LTBP1: variants seen among roughly 807,000 people sequenced by gnomAD.
LTBP1 encodes latent-transforming growth factor beta-binding protein 1.
LTBP1 carries 129 observed loss-of-function variants against 207.6 expected under a neutral mutation model. The ratio of observed to expected loss-of-function variants is 0.62; its 90% CI spans 0.54 to 0.72. The LOEUF (loss-of-function observed/expected upper bound fraction) is 0.72. Ranked by LOEUF, LTBP1 falls within the 30% of genes least tolerant of loss-of-function variation. The probability of loss-of-function intolerance (pLI) is 0.00; values close to 1 mark genes in which losing one functional copy is unlikely to be tolerated. For synonymous variants in LTBP1, 963 were observed against 833.7 expected (o/e 1.16, Z -2.67); for missense variants, 2,281 against 2,217.2 (o/e 1.03, Z -0.58).
intron 2 of LTBP1, among the ~76,000 whole-genome samples, chr2:32,961,550 T>A (rs1427174994): frequency 7.1e-6 from 1 of 141,402 alleles, no homozygotes; most frequent in Admixed American, 7.4e-5. Flanking sequence ...GAGGTTTTGT[T>A]CATCCCCCCC....
In LTBP1 at chr2:33,280,911, A is replaced by G. The variant is rs373319798; in HGVS notation, c.3112+753A>G. On this transcript the variant is annotated intron_variant, in intron 19 of 33. Coordinates refer to ENST00000404816, the MANE Select transcript of LTBP1 (RefSeq NM_206943.4). ...TAGCAAGACCTCATCTCTACAAAAC[A>G]TTAAAAAACTTACCTGGGCTTCGTG... Among the ~76,000 whole-genome samples the G allele has an allele frequency of 8.5e-5, 13 of 152,208 alleles. No individual in the cohort carries two copies. In the East Asian group the frequency reaches 2.3e-3, roughly 27 times the overall value.
chr2:33,115,035 T>TAC lies in LTBP1; in HGVS notation c.1033+4285_1033+4286insCA, dbSNP rs1306356115. Among the ~76,000 whole-genome samples the TAC allele has an allele frequency of 6.2e-3, 608 of 98,256 alleles. 7 individuals carry two copies. The highest frequency in any genetic ancestry group is 6.8e-3 in the Non-Finnish European group (329 of 48,446). The allele number at this position is 98,256 out of a possible 152,430, so 64.5% of individuals were successfully genotyped here. On this transcript the variant is annotated intron_variant, in intron 4 of 33. Coordinates refer to ENST00000404816, the MANE Select transcript of LTBP1 (RefSeq NM_206943.4). ...TGATGAAGGGATAAACAAACAGATA[T>TAC]ATACACACACACACACACACACACA...
intron 3 of LTBP1, among the ~76,000 whole-genome samples, chr2:33,079,085 T>G (rs960290900): frequency 1.3e-5 from 2 of 152,084 alleles, no homozygotes; most frequent in Non-Finnish European, 2.9e-5. Flanking sequence ...TAATATTTCT[T>G]TTTATCCTGT....
chr2:33,318,402 C>G (rs2094304103), intron 24 of LTBP1, among the ~76,000 whole-genome samples: 2 of 152,080 alleles, frequency 1.3e-5, no homozygotes, highest in Admixed American at 1.3e-4. Context: ...AGGCCTTGTT[C>G]CAAGGGTAAA....
chr2:33,109,637 C>G (rs2080276732), intron 3 of LTBP1, among the ~76,000 whole-genome samples: 1 of 152,030 alleles, frequency 6.6e-6, no homozygotes, highest in Admixed American at 6.6e-5. Flanking sequence ...TTGACTCGTG[C>G]TATTAAAAAG....
At chr2:33,352,142 T>C (rs2094790237) in intron 26 of LTBP1, among the ~76,000 whole-genome samples, 1 of 152,108 alleles carries the variant, frequency 6.6e-6, no homozygotes, top group Non-Finnish European at 1.5e-5. Context: ...TTATTTATTT[T>C]TATTTTTGAG....
At chr2:33,338,585 CTG>C (rs939788913) in intron 24 of LTBP1, among the ~76,000 whole-genome samples, 14 of 152,054 alleles carry the variant, frequency 9.2e-5, no homozygotes, top group African/African-American at 3.4e-4. Context: ...TGCTCTGGGA[CTG>C]GAGAGGAGAG....
At position 33,103,585 on chromosome 2, in the gene LTBP1, A is replaced by ATGTGTGTGTGTGTG. The variant is rs1558640670; in HGVS notation, c.864-6997_864-6996insTGTGTGTGTGTGTG. On this transcript the variant is annotated intron_variant, in intron 3 of 33. Transcript: ENST00000404816. Reference sequence around the variant, plus strand: ...GGACCATAAATCCTTGTCTCCGTTTACGTGTGTGTGTGTGTGTGTGTGTGT... The same window carrying ATGTGTGTGTGTGTG: ...GGACCATAAATCCTTGTCTCCGTTTATGTGTGTGTGTGTGCGTGTGTGTGTGTGTGTGTGTGTGT... Among the ~76,000 whole-genome samples, 235 of 77,274 alleles carry ATGTGTGTGTGTGTG rather than the reference A, an allele frequency of 3.0e-3. 3 individuals carry two copies. The highest frequency in any genetic ancestry group is 9.5e-3 in the African/African-American group (230 of 24,176). The allele number at this position is 77,274 out of a possible 152,430, so 50.7% of individuals were successfully genotyped here. A position where few individuals can be genotyped will look rare whatever the true frequency, so the allele number is the denominator to read the frequency against.
At chr2:33,395,921 T>C (rs77031247) in intron 32 of LTBP1, among the ~76,000 whole-genome samples, 1 of 151,754 alleles carries the variant, frequency 6.6e-6, no homozygotes, top group African/African-American at 2.4e-5. Flanking sequence ...TTTTTTTTTT[T>C]GAAGCTACTT....
At chr2:33,063,652 T>C (rs6727912) in intron 3 of LTBP1, among the ~76,000 whole-genome samples, 7,393 of 152,206 alleles carry the variant, frequency 0.049, 611 homozygotes, top group East Asian at 0.34. Flanking sequence ...CAGTTGTTTT[T>C]GAGAGTTTCA....
chr2:33,142,918 C>T (rs2082747638), intron 5 of LTBP1, among the ~76,000 whole-genome samples: 1 of 152,210 alleles, frequency 6.6e-6, no homozygotes, highest in Non-Finnish European at 1.5e-5. Flanking sequence ...GTATTCTTTC[C>T]TAGGCTGTCG....
chr2:33,329,439 C>G (rs1446769405), intron 24 of LTBP1, among the ~76,000 whole-genome samples: 1 of 152,068 alleles, frequency 6.6e-6, no homozygotes, highest in Non-Finnish European at 1.5e-5. Context: ...TATTTCAGAT[C>G]AGTATTTTTT....
intron 9 of LTBP1, among the ~76,000 whole-genome samples, chr2:33,231,539 C>T (rs971619629): frequency 6.6e-6 from 1 of 152,164 alleles, no homozygotes; most frequent in African/African-American, 2.4e-5. Flanking sequence ...GCTTGCATTT[C>T]AGACCTCTTC....
intron 12 of LTBP1, among the ~76,000 whole-genome samples, chr2:33,258,611 A>T (rs980478930): frequency 2.0e-5 from 3 of 152,168 alleles, no homozygotes; most frequent in Admixed American, 6.5e-5. Flanking sequence ...TCATGACCAG[A>T]TGTTTGCAAC....
chr2:33,037,525 G>C (rs919609587), intron 3 of LTBP1, among the ~76,000 whole-genome samples: 2 of 151,950 alleles, frequency 1.3e-5, no homozygotes, highest in East Asian at 1.9e-4. Flanking sequence ...TCATATTTTT[G>C]ACCTCTTTCT....
At chr2:33,249,098 G>C (rs2092599008) in intron 10 of LTBP1, among the ~76,000 whole-genome samples, 1 of 152,076 alleles carries the variant, frequency 6.6e-6, no homozygotes, top group Non-Finnish European at 1.5e-5. Flanking sequence ...GATGTGGGTG[G>C]GAGTGATTGC....
chr2:33,308,873 G>A (rs574051919), intron 22 of LTBP1, among the ~76,000 whole-genome samples: 167 of 152,206 alleles, frequency 1.1e-3, no homozygotes, highest in African/African-American at 3.8e-3. Context: ...CACTTAATAA[G>A]TATTTTTGAA....
chr2:33,370,601 G>A (rs1051152412), intron 31 of LTBP1, among the ~76,000 whole-genome samples: 4 of 152,172 alleles, frequency 2.6e-5, no homozygotes, highest in Admixed American at 2.6e-4. Flanking sequence ...CTATCATAAA[G>A]GAAGCAAAGA....
At chr2:33,360,192 ATAT>A (rs2150023123) in intron 26 of LTBP1, among the ~76,000 whole-genome samples, 1 of 152,312 alleles carries the variant, frequency 6.6e-6, no homozygotes, top group South Asian at 2.1e-4. Context: ...TAAGGGTTAA[ATAT>A]TATGTGTGGG....
Sources: allele counts gnomAD v4.1 joint callset (sites outside exome capture counted in the v4.1 genomes callset), GRCh38; gene constraint gnomAD v4.1.1; transcripts MANE v1.5; gene names NCBI Gene and HGNC (gene_info 2026-07-23, HGNC 2026-07-21).